Variants in IMMP2L observed in about 807,000 individuals in gnomAD.
IMMP2L encodes inner mitochondrial membrane peptidase subunit 2, also known as mitochondrial inner membrane protease subunit 2.
In IMMP2L, 18 loss-of-function variants were observed where a neutral mutation model predicts 19.3. That is an observed-to-expected ratio of 0.93 (90% CI 0.64 to 1.38). The LOEUF (loss-of-function observed/expected upper bound fraction) is 1.38. Among genes scored for constraint, IMMP2L ranks in the 40% most tolerant of loss-of-function variants. The pLI, the probability that IMMP2L is intolerant of heterozygous loss-of-function variation, is 0.00. For synonymous variants in IMMP2L, 76 were observed against 73.0 expected (o/e 1.04, Z -0.21); for missense variants, 233 against 218.2 (o/e 1.07, Z -0.43).
At chr7:110,752,188 C>T (rs1023332072) in intron 5 of IMMP2L, among the ~76,000 whole-genome samples, 21 of 152,016 alleles carry the variant, frequency 1.4e-4, no homozygotes, top group African/African-American at 4.3e-4. Context: ...GCTATAGAAA[C>T]GGTCAGCTAC....
chr7:111,312,296 A>G (rs1350107545), intron 3 of IMMP2L, among the ~76,000 whole-genome samples: 1 of 152,286 alleles, frequency 6.6e-6, no homozygotes, highest in African/African-American at 2.4e-5. Context: ...ACTCACATAA[A>G]TATATTCATT....
intron 5 of IMMP2L, among the ~76,000 whole-genome samples, chr7:110,860,173 T>C (rs1235772822): frequency 1.3e-5 from 2 of 152,032 alleles, no homozygotes; most frequent in Non-Finnish European, 2.9e-5. Flanking sequence ...GTGGAATATA[T>C]AAAGCCAAGA....
intron 3 of IMMP2L, among the ~76,000 whole-genome samples, chr7:111,023,431 T>G (rs1282201494): frequency 6.6e-6 from 1 of 151,986 alleles, no homozygotes; most frequent in Admixed American, 6.6e-5. Context: ...CTGGGAGCGG[T>G]GGCTCATGCC....
intron 4 of IMMP2L, among the ~76,000 whole-genome samples, chr7:110,931,587 T>C (rs1255806166): frequency 6.6e-6 from 1 of 152,130 alleles, no homozygotes; most frequent in East Asian, 1.9e-4. Context: ...CTACTGTAGT[T>C]TCTTTCCATT....
intron 3 of IMMP2L, among the ~76,000 whole-genome samples, chr7:111,433,156 T>C (rs1836807895): frequency 6.6e-6 from 1 of 151,570 alleles, no homozygotes; most frequent in African/African-American, 2.4e-5. Flanking sequence ...AAGACACCTC[T>C]TCACATGGCA....
chr7:111,151,858 C>T (rs761989716), intron 3 of IMMP2L, among the ~76,000 whole-genome samples: 2 of 152,120 alleles, frequency 1.3e-5, no homozygotes, highest in Non-Finnish European at 2.9e-5. Context: ...ATCGTTTGAA[C>T]CTGGGAGGCG....
At chr7:111,101,575 G>A (rs532472222) in intron 3 of IMMP2L, among the ~76,000 whole-genome samples, 6 of 151,170 alleles carry the variant, frequency 4.0e-5, no homozygotes, top group South Asian at 2.1e-4. Flanking sequence ...ACAATCGTTC[G>A]AATTAATACA....
intron 5 of IMMP2L, among the ~76,000 whole-genome samples, chr7:110,687,416 T>C (rs1378057544): frequency 6.6e-6 from 1 of 152,096 alleles, no homozygotes; most frequent in East Asian, 1.9e-4. Context: ...TTTTTTGTTT[T>C]TTAAAGTACT....
chr7:111,019,051 A>G (rs1826015301), intron 3 of IMMP2L, among the ~76,000 whole-genome samples: 1 of 152,100 alleles, frequency 6.6e-6, no homozygotes, highest in Non-Finnish European at 1.5e-5. Context: ...GTTATTCCAT[A>G]CCTAGATTCT....
chr7:110,811,962 C>T (rs767414347), intron 5 of IMMP2L, among the ~76,000 whole-genome samples: 1 of 152,032 alleles, frequency 6.6e-6, no homozygotes, highest in Non-Finnish European at 1.5e-5. Context: ...CAAGTTAGAA[C>T]TTTGCTGCTA....
chr7:111,400,536 C>T (rs970188400), intron 3 of IMMP2L, among the ~76,000 whole-genome samples: 8 of 152,046 alleles, frequency 5.3e-5, no homozygotes, highest in African/African-American at 1.9e-4. Flanking sequence ...TCCAGCCTAC[C>T]CCACTGTCCA....
intron 3 of IMMP2L, among the ~76,000 whole-genome samples, chr7:111,014,348 CTG>C (rs1248012024): frequency 6.6e-6 from 1 of 151,780 alleles, no homozygotes; most frequent in Non-Finnish European, 1.5e-5. Context: ...GAGTGAGACT[CTG>C]TGTCAAAAGA....
rs189147442 is a variant in IMMP2L at position 111,169,365 on chromosome 7, T to C, written c.240-205800A>G. Among the ~76,000 whole-genome samples, 3 of 151,998 alleles carry C rather than the reference T, an allele frequency of 2.0e-5. No homozygotes were observed. In the East Asian group the frequency reaches 5.8e-4, roughly 30 times the overall value. On this transcript the variant is annotated intron_variant, in intron 3 of 5. Transcript: ENST00000405709. Reference sequence around the variant, plus strand: ...GACGTTAATCCAAAATTTTCTCAGTTGGCTGATTCTGAAAAACCTGCTTCT... The same window carrying C: ...GACGTTAATCCAAAATTTTCTCAGTCGGCTGATTCTGAAAAACCTGCTTCT...
At chr7:111,501,583 G>T (rs1343487656) in intron 2 of IMMP2L, among the ~76,000 whole-genome samples, 1 of 152,114 alleles carries the variant, frequency 6.6e-6, no homozygotes, top group Non-Finnish European at 1.5e-5. Context: ...GAAAGGTCGG[G>T]TTACCCACAA....
chr7:111,504,552 T>A (rs923095897), intron 2 of IMMP2L, among the ~76,000 whole-genome samples: 2 of 152,080 alleles, frequency 1.3e-5, no homozygotes, highest in East Asian at 3.9e-4. Context: ...GGAGGCATCA[T>A]GCTACCTGAC....
At chr7:111,274,820 T>A (rs979561304) in intron 3 of IMMP2L, among the ~76,000 whole-genome samples, 1 of 152,208 alleles carries the variant, frequency 6.6e-6, no homozygotes, top group Non-Finnish European at 1.5e-5. Flanking sequence ...AGAATAGTTT[T>A]TCTTGTTATT....
At chr7:111,275,386 G>A (rs1818912611) in intron 3 of IMMP2L, among the ~76,000 whole-genome samples, 1 of 152,134 alleles carries the variant, frequency 6.6e-6, no homozygotes, top group Non-Finnish European at 1.5e-5. Context: ...ATTCCTAATG[G>A]TTTTGAACCA....
At chr7:111,511,643 T>C (rs1845453631) in intron 2 of IMMP2L, among the ~76,000 whole-genome samples, 1 of 146,260 alleles carries the variant, frequency 6.8e-6, no homozygotes, top group African/African-American at 2.6e-5. Flanking sequence ...AGTCTCCCTC[T>C]GTTGAACAAA....
intron 3 of IMMP2L, among the ~76,000 whole-genome samples, chr7:111,180,265 A>G (rs1214127727): frequency 6.6e-6 from 1 of 152,064 alleles, no homozygotes; most frequent in Non-Finnish European, 1.5e-5. Context: ...ACTTAAAGTG[A>G]GAGACTCATA....
Sources: gnomAD v4.1 joint callset for allele counts (sites outside exome capture counted in the v4.1 genomes callset) on GRCh38, gnomAD v4.1.1 for gene constraint, MANE v1.5 for transcripts, NCBI Gene and HGNC (gene_info 2026-07-23, HGNC 2026-07-21) for gene names.